Variants in MYO18A observed in about 807,000 individuals in gnomAD.
MYO18A encodes unconventional myosin-XVIIIa.
Under a neutral mutation model 235.8 loss-of-function variants are expected in MYO18A, and 78 were observed. The observed-to-expected ratio is 0.33, with a 90% CI of 0.28 to 0.40. The LOEUF (loss-of-function observed/expected upper bound fraction) is 0.40. Ranked by LOEUF, MYO18A falls within the 10% of genes least tolerant of loss-of-function variation. The probability of loss-of-function intolerance (pLI) is 1.00; values close to 1 mark genes in which losing one functional copy is unlikely to be tolerated. For synonymous variants in MYO18A, 977 were observed against 1,077.8 expected (o/e 0.91, Z 1.83); for missense variants, 2,215 against 2,699.3 (o/e 0.82, Z 3.98).
chr17:29,088,303 C>T (rs989371584), intron 37 of MYO18A, among the ~76,000 whole-genome samples: 2 of 151,854 alleles, frequency 1.3e-5, no homozygotes, highest in South Asian at 4.1e-4. Context: ...ATCCGCCCAC[C>T]TTGGCCTCCA....
chr17:29,179,535 A>T (rs1227179686), intron 1 of MYO18A, among the ~76,000 whole-genome samples: 1 of 152,158 alleles, frequency 6.6e-6, no homozygotes, highest in Non-Finnish European at 1.5e-5. Context: ...AACAACTGGC[A>T]TGACAGGTTA....
At position 29,118,069 on chromosome 17, in the gene MYO18A, G is replaced by C; in HGVS notation, c.2014C>G (p.Leu672Val). The change falls in exon 10 of 42, where the codon CTG (leucine) becomes GTG (valine). Residue 672 changes from leucine (L) to valine (V), a missense_variant. Physicochemically the swap from Leu to Val is conservative, Grantham distance 32. Coordinates refer to ENST00000527372, the MANE Select transcript of MYO18A (RefSeq NM_078471.4). The surrounding 1 kb of genome is among the most constrained non-coding windows in gnomAD (Gnocchi z 4.2). Reference sequence around the variant, plus strand: ...CCTTTGGTGGCTCCCGCAGCCCCCAGGTGGTAGATGGCAGCCAGAATGAAC... The same window carrying C: ...CCTTTGGTGGCTCCCGCAGCCCCCACGTGGTAGATGGCAGCCAGAATGAAC... ...CWFILAAIYHLGAAGATKEAA... is the reference protein window; with the variant it reads ...CWFILAAIYHVGAAGATKEAA... The C allele has an allele frequency of 6.3e-7, 1 of 1,588,278 alleles. No homozygotes were observed.
chr17:29,086,802 C>G, intron 38 of MYO18A, 134 bp downstream of exon 38: 1 of 1,204,490 alleles, frequency 8.3e-7, no homozygotes. Flanking sequence ...TTGATATGCT[C>G]CTCCTCCCTC....
intron 28 of MYO18A, among the ~76,000 whole-genome samples, chr17:29,095,421 A>C (rs1327212350): frequency 1.3e-5 from 2 of 152,220 alleles, no homozygotes; most frequent in Non-Finnish European, 2.9e-5. Flanking sequence ...AAAAGGATAG[A>C]GATGAGCACC....
In MYO18A at chr17:29,110,516, T is replaced by G. The variant is rs2152822747; in HGVS notation, c.3007A>C (p.Thr1003Pro). ...GTGGTAAAGGTTTTCCGCATGCTGG[T>G]GGCCCGGCGCAGTGCCAGCTGCGAG... ...GGSQLALRRA[T>P]SMRKTFTTGM... is the part of the protein sequence containing the mutation. Residue 1003 changes from threonine (T) to proline (P), a missense_variant, in exon 18 of 42, where the codon ACC becomes CCC. By Grantham distance (38) the Thr-to-Pro change is conservative (BLOSUM62 -1). Coordinates refer to ENST00000527372, the MANE Select transcript of MYO18A (RefSeq NM_078471.4). The G allele has an allele frequency of 6.2e-7, 1 of 1,606,642 alleles. No homozygotes were observed. The highest frequency in any genetic ancestry group is 1.1e-5 in the South Asian group (1 of 89,580).
chr17:29,127,903 G>A, intron 2 of MYO18A: 6 of 993,618 alleles, frequency 6.0e-6, no homozygotes, highest in Non-Finnish European at 6.0e-6. Context: ...CTCCAGTGAG[G>A]TCTGACTTCG....
chr17:29,105,351 C>T (rs528245027), intron 20 of MYO18A, among the ~76,000 whole-genome samples: 24 of 151,852 alleles, frequency 1.6e-4, no homozygotes, highest in African/African-American at 5.6e-4. Flanking sequence ...TCCAGGGAGA[C>T]GATGACAGAG....
chr17:29,152,649 C>T (rs114129168), intron 2 of MYO18A, among the ~76,000 whole-genome samples: 3,032 of 152,234 alleles, frequency 0.02, 96 homozygotes, highest in African/African-American at 0.068. Context: ...GACATTCCTG[C>T]GGGTACCAAG....
chr17:29,116,328 T>C (rs2067059102), intron 11 of MYO18A, 116 bp downstream of exon 11: 2 of 1,202,812 alleles, frequency 1.7e-6, no homozygotes, highest in Non-Finnish European at 2.5e-6. Flanking sequence ...GGCCCAACAG[T>C]GGGGAGGCAA....
At position 29,121,765 on chromosome 17, in the gene MYO18A, C is replaced by T; in HGVS notation, c.1195-42G>A. On this transcript the variant is annotated intron_variant, in intron 4 of 41. Coordinates refer to ENST00000527372, the MANE Select transcript of MYO18A (RefSeq NM_078471.4). This position sits in a 1 kb window ranked among gnomAD's most constrained non-coding sequence, Gnocchi z 4.2. ...GCGGGTGGGTATTAGAGCAGCAGAGCCCATCTCCGCTGCCAGAGGATGGGC... is the reference window on the plus strand; with the variant it reads ...GCGGGTGGGTATTAGAGCAGCAGAGTCCATCTCCGCTGCCAGAGGATGGGC... The T allele has an allele frequency of 6.3e-7, 1 of 1,596,686 alleles. No individual in the cohort carries two copies. Among genetic ancestry groups the T allele is most frequent in the Non-Finnish European group, 8.5e-7 (1 of 1,170,016 alleles).
At chr17:29,176,000 G>C (rs995208466) in intron 1 of MYO18A, among the ~76,000 whole-genome samples, 6 of 152,202 alleles carry the variant, frequency 3.9e-5, no homozygotes, top group Admixed American at 2.6e-4. Flanking sequence ...GGAGGTTGCA[G>C]TGAGCCAAGA....
Position 29,073,747 on chromosome 17 carries a change from C to T in MYO18A, c.*1023G>A. Reference sequence around the variant, plus strand: ...TGTGTCTGGGATAAGTGTGTGGGGGCAGGGAGGTTGGAAGAATGACACGGG... The same window carrying T: ...TGTGTCTGGGATAAGTGTGTGGGGGTAGGGAGGTTGGAAGAATGACACGGG... On this transcript the variant is annotated 3_prime_UTR_variant, in exon 42 of 42. Coordinates refer to ENST00000527372, the MANE Select transcript of MYO18A (RefSeq NM_078471.4). 1 of 1,148,574 alleles carries T rather than the reference C, an allele frequency of 8.7e-7. No homozygotes were observed. Among genetic ancestry groups the T allele is most frequent in the Non-Finnish European group, 1.2e-6 (1 of 800,378 alleles). The allele number at this position is 1,148,574 out of a possible 1,614,324, so 71.1% of individuals were successfully genotyped here.
At chr17:29,146,967 C>G (rs1043126081) in intron 2 of MYO18A, among the ~76,000 whole-genome samples, 4 of 152,188 alleles carry the variant, frequency 2.6e-5, no homozygotes, top group Admixed American at 1.3e-4. Context: ...TAGCCATGGC[C>G]AGGCACATGC....
chr17:29,135,985 T>C (rs2067587894), intron 2 of MYO18A, among the ~76,000 whole-genome samples: 1 of 152,112 alleles, frequency 6.6e-6, no homozygotes, highest in South Asian at 2.1e-4. Flanking sequence ...CCCAGAACTT[T>C]GGGAGGCTGA....
chr17:29,138,960 G>A (rs1412833062), intron 2 of MYO18A, among the ~76,000 whole-genome samples: 4 of 152,192 alleles, frequency 2.6e-5, no homozygotes, highest in Non-Finnish European at 5.9e-5. Flanking sequence ...TATGCTTTAC[G>A]TGGAACTGCT....
Position 29,120,489 on chromosome 17 carries a change from C to A in MYO18A, c.1728+127G>T. 1 of 1,289,846 alleles carries A rather than the reference C, an allele frequency of 7.8e-7. No individual in the cohort carries two copies. The highest frequency in any genetic ancestry group is 1.1e-6 in the Non-Finnish European group (1 of 944,218). The allele number at this position is 1,289,846 out of a possible 1,614,324, so 79.9% of individuals were successfully genotyped here. ...CTGGATAGTGCAGGCCAACCCTGCC[C>A]ATGCCTGGGTCAATTTTGTTAGGGT... is the stretch of plus-strand genomic sequence containing the variant. On this transcript the variant is annotated intron_variant, in intron 7 of 41. Transcript: ENST00000527372. This position sits in a 1 kb window ranked among gnomAD's most constrained non-coding sequence, Gnocchi z 4.2.
intron 2 of MYO18A, chr17:29,124,823 G>C (rs979588264): frequency 9.5e-6 from 6 of 632,856 alleles, no homozygotes; most frequent in Middle Eastern, 3.4e-4. Flanking sequence ...GGGTGAAGGT[G>C]GGGGAGCTTG....
rs779281981 is a variant in MYO18A, at chr17:29,121,610, C to A, written c.1308G>T (p.Thr436=). 6.3e-7 allele frequency: 1 copy of A among 1,595,470 alleles called. No individual in the cohort carries two copies. Among genetic ancestry groups the A allele is most frequent in the Admixed American group, 1.8e-5 (1 of 56,676 alleles). ...GAACCAGCAGGCTGGGGCCAGCATA[C>A]GTGTGCAGCAGGCTAGCGCCATAGC... ...RQRYGASLLH[T]YAGPSLLVLG... The change falls in exon 5 of 42, where the codon ACG becomes ACT. Residue 436 remains threonine, a synonymous_variant. Transcript: ENST00000527372. This position sits in a 1 kb window ranked among gnomAD's most constrained non-coding sequence, Gnocchi z 4.2.
intron 2 of MYO18A, among the ~76,000 whole-genome samples, chr17:29,149,005 G>A (rs2067912351): frequency 6.6e-6 from 1 of 152,240 alleles, no homozygotes. Flanking sequence ...TGGAAGCTCC[G>A]CCCTGCAGCG....
Sources: gnomAD v4.1 joint callset for allele counts (sites outside exome capture counted in the v4.1 genomes callset) on GRCh38, gnomAD v4.1.1 for gene constraint, Gnocchi (gnomAD v3.1) non-coding constraint, MANE v1.5 for transcripts, NCBI Gene and HGNC (gene_info 2026-07-23, HGNC 2026-07-21) for gene names.